TFB1M: variants seen among roughly 807,000 people sequenced by gnomAD.
TFB1M encodes the protein dimethyladenosine transferase 1, mitochondrial.
TFB1M carries 27 observed loss-of-function variants against 31.1 expected under a neutral mutation model. That is an observed-to-expected ratio of 0.87 (90% CI 0.64 to 1.20). The LOEUF (loss-of-function observed/expected upper bound fraction) is 1.20. Among genes scored for constraint, TFB1M ranks in the 50% most tolerant of loss-of-function variants. TFB1M has a pLI of 0.00. For synonymous variants in TFB1M, 166 were observed against 151.8 expected, an observed-to-expected ratio of 1.09 and a Z score of -0.69; for missense variants, 394 against 418.7, an observed-to-expected ratio of 0.94 and a Z score of 0.51.
chr6:155,267,398 T>G (rs1341072133), intron 5 of TFB1M, among the ~76,000 whole-genome samples: 1 of 152,228 alleles, frequency 6.6e-6, no homozygotes, highest in African/African-American at 2.4e-5. Context: ...GCAAGAATTG[T>G]AAATTAGGGC....
chr6:155,251,967 G>C (rs200239140), downstream of TFB1M: 156 of 1,603,378 alleles, frequency 9.7e-5, 5 homozygotes, highest in Middle Eastern at 0.015. Flanking sequence ...CCGTCATACT[G>C]GTTTATAAAG....
chr6:155,247,925 A>C, the TFB1M span: 4 of 1,504,054 alleles, frequency 2.7e-6, no homozygotes, highest in African/African-American at 1.4e-5. Flanking sequence ...ATGATCTATA[A>C]ATGTTAAAAG....
the TFB1M span, chr6:155,244,506 C>T: frequency 1.1e-5 from 10 of 891,372 alleles, no homozygotes; most frequent in Non-Finnish European, 1.7e-5. Flanking sequence ...AGCCATATCC[C>T]ATAATGAATG....
the TFB1M span, among the ~76,000 whole-genome samples, chr6:155,230,058 C>T: frequency 6.7e-5 from 10 of 150,126 alleles, no homozygotes; most frequent in African/African-American, 2.5e-4. Flanking sequence ...CAAACCATAT[C>T]ACCAGGTGAC....
At chr6:155,280,247 AGCTCCTTCCACTGG>A (rs1583337723) in intron 5 of TFB1M, among the ~76,000 whole-genome samples, 1 of 152,080 alleles carries the variant, frequency 6.6e-6, no homozygotes, top group East Asian at 1.9e-4. Context: ...GTCTTGGCCA[AGCTCCTTCCACTGG>A]GCCAGGGCAG....
chr6:155,271,157 C>T (rs1351896497), intron 5 of TFB1M, among the ~76,000 whole-genome samples: 1 of 152,158 alleles, frequency 6.6e-6, no homozygotes, highest in African/African-American at 2.4e-5. Flanking sequence ...TAAAGTCTAA[C>T]ATGGTTATTA....
At chr6:155,244,805 T>C in the TFB1M span, 1 of 1,584,454 alleles carries the variant, frequency 6.3e-7, no homozygotes, top group Non-Finnish European at 8.6e-7. Flanking sequence ...AGATTTAGGC[T>C]TAAAGTAAAA....
chr6:155,270,475 T>C (rs1017640597), intron 5 of TFB1M, among the ~76,000 whole-genome samples: 2 of 152,218 alleles, frequency 1.3e-5, no homozygotes, highest in Non-Finnish European at 2.9e-5. Flanking sequence ...TAAGAAATTC[T>C]GCCTTCATTA....
chr6:155,298,671 A>C, intron 2 of TFB1M, 86 bp from the exon 3 acceptor site: 1 of 914,134 alleles, frequency 1.1e-6, no homozygotes, highest in East Asian at 2.5e-5. Context: ...CATTTAAAAA[A>C]TCAGTTAAAA....
intron 4 of TFB1M, among the ~76,000 whole-genome samples, chr6:155,287,249 CT>C (rs1368849096): frequency 6.6e-6 from 1 of 152,064 alleles, no homozygotes; most frequent in Non-Finnish European, 1.5e-5. Context: ...AGAGCTGAAG[CT>C]GTGTAAAACC....
the TFB1M span, chr6:155,250,829 G>T: frequency 7.2e-7 from 1 of 1,380,414 alleles, no homozygotes; most frequent in South Asian, 1.2e-5. Flanking sequence ...TTTTAGCAAT[G>T]ACTGTGTGTA....
chr6:155,262,034 C>T (rs975851120), intron 5 of TFB1M, among the ~76,000 whole-genome samples: 1 of 152,230 alleles, frequency 6.6e-6, no homozygotes, highest in Non-Finnish European at 1.5e-5. Context: ...CCTCTTCCTA[C>T]AGGACTTCCC....
At chr6:155,244,621 G>A in the TFB1M span, 13 of 1,607,854 alleles carry the variant, frequency 8.1e-6, no homozygotes, top group African/African-American at 1.3e-5. Flanking sequence ...GAACTTCATG[G>A]CTAATCCCCT....
chr6:155,254,063 A>G (rs762097222), downstream of TFB1M: 1 of 1,613,202 alleles, frequency 6.2e-7, no homozygotes, highest in South Asian at 1.1e-5. Flanking sequence ...TGTTGCAGGT[A>G]TGACTGACTT....
intron 2 of TFB1M, among the ~76,000 whole-genome samples, chr6:155,306,784 T>C (rs180995631): frequency 1.3e-5 from 2 of 152,170 alleles, no homozygotes; most frequent in Non-Finnish European, 2.9e-5. Flanking sequence ...TGAGTGTTTA[T>C]TTTCTTGATT....
chr6:155,246,247 G>A, the TFB1M span, among the ~76,000 whole-genome samples: 1 of 152,056 alleles, frequency 6.6e-6, no homozygotes, highest in African/African-American at 2.4e-5. Flanking sequence ...GAGGGCATCT[G>A]GAGGTTTATC....
At chr6:155,263,024 T>C (rs377098428) in intron 5 of TFB1M, among the ~76,000 whole-genome samples, 17 of 152,258 alleles carry the variant, frequency 1.1e-4, no homozygotes, top group South Asian at 6.2e-4. Context: ...TAGTGGGAGA[T>C]TCTGTAAAAC....
chr6:155,281,795 A>C (rs1300783121), intron 5 of TFB1M, among the ~76,000 whole-genome samples: 1 of 139,338 alleles, frequency 7.2e-6, no homozygotes, highest in African/African-American at 2.6e-5. Context: ...ACTATGTTAG[A>C]TTATGAAGCC....
At chr6:155,269,682 T>C (rs888313840) in intron 5 of TFB1M, among the ~76,000 whole-genome samples, 6 of 152,198 alleles carry the variant, frequency 3.9e-5, no homozygotes, top group Non-Finnish European at 7.3e-5. Flanking sequence ...TTAAGTATTA[T>C]AGCACCTTAA....
Sources: allele counts gnomAD v4.1 joint callset (sites outside exome capture counted in the v4.1 genomes callset), GRCh38; gene constraint gnomAD v4.1.1; transcripts MANE v1.5; gene names NCBI Gene and HGNC (gene_info 2026-07-23, HGNC 2026-07-21).